ZSCAN18: variants seen among roughly 807,000 people sequenced by gnomAD.
The protein encoded by ZSCAN18 is zinc finger and SCAN domain-containing protein 18.
Under a neutral mutation model 31.1 loss-of-function variants are expected in ZSCAN18, and 16 were observed. The ratio of observed to expected loss-of-function variants is 0.51; its 90% CI spans 0.35 to 0.78. The LOEUF is 0.78. Among genes scored for constraint, ZSCAN18 ranks in the 30% least tolerant of loss-of-function variants. The pLI, the probability that ZSCAN18 is intolerant of heterozygous loss-of-function variation, is 0.01. For synonymous variants in ZSCAN18, 375 were observed against 320.7 expected, an observed-to-expected ratio of 1.17 and a Z score of -1.81; for missense variants, 731 against 697.4, an observed-to-expected ratio of 1.05 and a Z score of -0.54.
chr19:58,085,641 C>A, intron 6 of ZSCAN18: 1 of 506,102 alleles, frequency 2.0e-6, no homozygotes, highest in Non-Finnish European at 3.5e-6. Flanking sequence ...CCCACTGAGC[C>A]CGGGTTCTGG....
chr19:58,115,610 A>G (rs2146032211), intron 1 of ZSCAN18, among the ~76,000 whole-genome samples: 1 of 152,338 alleles, frequency 6.6e-6, no homozygotes, highest in Admixed American at 6.5e-5. Flanking sequence ...TGTCTTTGTT[A>G]GTATAAGAAA....
intron 1 of ZSCAN18, among the ~76,000 whole-genome samples, chr19:58,096,957 C>T (rs1342700614): frequency 6.6e-6 from 1 of 152,120 alleles, no homozygotes. Context: ...GCCTAGGCTC[C>T]CCGAAAACCC....
intron 5 of ZSCAN18, 143 bp downstream of exon 5, chr19:58,086,763 T>C (rs1218040790): frequency 2.8e-5 from 17 of 617,808 alleles, no homozygotes; most frequent in Non-Finnish European, 4.8e-5. Context: ...AGCGAATAAA[T>C]TCAAGCTCCA....
chr19:58,088,564 T>C (rs893844150), intron 3 of ZSCAN18, 124 bp downstream of exon 3: 7 of 932,484 alleles, frequency 7.5e-6, no homozygotes, highest in Admixed American at 2.3e-5. Flanking sequence ...GAAGTCCCAA[T>C]GATAGCATGG....
intron 1 of ZSCAN18, among the ~76,000 whole-genome samples, chr19:58,094,752 C>A (rs1388553225): frequency 6.6e-6 from 1 of 151,900 alleles, no homozygotes; most frequent in African/African-American, 2.4e-5. Context: ...GTGGTGCATG[C>A]CTGTGGTCCC....
At chr19:58,086,665 G>A (rs2074287052) in intron 5 of ZSCAN18, 2 of 517,398 alleles carry the variant, frequency 3.9e-6, no homozygotes, top group Admixed American at 3.6e-5. Flanking sequence ...CTTGGGGCCA[G>A]GAGGCCTTTC....
rs111533182 is a variant in ZSCAN18 at position 58,092,828 on chromosome 19, C to T, written c.-119-2442G>A. 2.2e-3 allele frequency: 1,196 copies of T among 546,452 alleles called. 17 individuals carry two copies. Among genetic ancestry groups the T allele is most frequent in the African/African-American group, 0.021 (1,040 of 48,838 alleles). 33.9% of individuals were successfully genotyped at this position (546,452 alleles called of 1,614,324 possible). On this transcript the variant is annotated intron_variant, in intron 1 of 6. Transcript: ENST00000601144. ...TTACTCTGTCACCCAGGCTGGAGTG[C>T]AGTAGCATGATCATAGCTTATTGCA...
At chr19:58,104,207 C>A (rs2074615855) in intron 1 of ZSCAN18, among the ~76,000 whole-genome samples, 1 of 152,070 alleles carries the variant, frequency 6.6e-6, no homozygotes, top group South Asian at 2.1e-4. Flanking sequence ...GGTGAAACCC[C>A]ACCTCTACTA....
Position 58,085,239 on chromosome 19 carries a change from C to G in ZSCAN18, c.979G>C (p.Glu327Gln). The G allele has an allele frequency of 6.2e-7, 1 of 1,607,094 alleles. No individual in the cohort carries two copies. Among genetic ancestry groups the G allele is most frequent in the Non-Finnish European group, 8.5e-7 (1 of 1,178,956 alleles). ...GGGTCCGGGGCCTTCCCAGGCTGCT[C>G]TTCCTCCTCCTCAGTGGTGCCCGAC... is the stretch of plus-strand genomic sequence containing the variant. ...PPSGTTEEEE[E>Q]QPGKAPDPQD... is the part of the protein sequence containing the mutation. The change falls in exon 7 of 7, where the codon GAG (glutamate) becomes CAG (glutamine). Residue 327 changes from glutamate (E) to glutamine (Q), a missense_variant. By Grantham distance (29) the Glu-to-Gln change is conservative. Transcript: ENST00000601144.
chr19:58,103,241 A>C (rs1283405735), intron 1 of ZSCAN18, among the ~76,000 whole-genome samples: 1 of 152,242 alleles, frequency 6.6e-6, no homozygotes, highest in East Asian at 1.9e-4. Flanking sequence ...AAATACGGTA[A>C]GTCTTTAGGT....
Position 58,086,908 on chromosome 19 carries a change from C to G in ZSCAN18, c.743G>C (p.Trp248Ser), listed in dbSNP as rs1290642630. 1 of 1,613,456 alleles carries G rather than the reference C, an allele frequency of 6.2e-7. No homozygotes were observed. Among genetic ancestry groups the G allele is most frequent in the Admixed American group, 1.7e-5 (1 of 59,994 alleles). Residue 248 changes from tryptophan (W) to serine (S), a missense_variant and splice_region_variant, in exon 5 of 7, where the codon TGG (tryptophan) becomes TCG (serine). By Grantham distance (177) the Trp-to-Ser change is radical. This residue lies in a region of ZSCAN18 where 597 missense variants were observed against 499.5 expected (regional missense o/e 1.20). Coordinates refer to ENST00000601144, the MANE Select transcript of ZSCAN18 (RefSeq NM_001145543.2). ...ACCCCGAGGCAGGCGACTCTCACCC[C>G]ACAGGAGCAGCTTCCGGTAGCTCTT... ...NLKSYRKLLL[W>S]GYQLSQPDAA...
In ZSCAN18 at chr19:58,090,559, T is replaced by C; in HGVS notation, c.-119-173A>G. 1 of 554,156 alleles carries C rather than the reference T, an allele frequency of 1.8e-6. No homozygotes were observed. The highest frequency in any genetic ancestry group is 3.7e-5 in the South Asian group (1 of 26,962). The allele number at this position is 554,156 out of a possible 1,614,324, so 34.3% of individuals were successfully genotyped here. A position where few individuals can be genotyped will look rare whatever the true frequency, so the allele number is the denominator to read the frequency against. ...ACTCATGTAGATAAAAAGTAGCATG[T>C]AAATGGAGGGTAACTCATTCTGTGC... is the stretch of plus-strand genomic sequence containing the variant. On this transcript the variant is annotated intron_variant, in intron 1 of 6. Coordinates refer to ENST00000601144, the MANE Select transcript of ZSCAN18 (RefSeq NM_001145543.2). The surrounding 1 kb of genome is among the most constrained non-coding windows in gnomAD (Gnocchi z 4.7).
upstream of ZSCAN18, among the ~76,000 whole-genome samples, chr19:58,099,764 A>AT (rs2063826113): frequency 6.6e-6 from 1 of 151,866 alleles, no homozygotes; most frequent in African/African-American, 2.4e-5. Flanking sequence ...GTGTTTTGCT[A>AT]TTTTTTATTT....
chr19:58,106,379 G>A (rs2074634054), intron 1 of ZSCAN18, among the ~76,000 whole-genome samples: 1 of 152,142 alleles, frequency 6.6e-6, no homozygotes. Context: ...TCCAACCTGG[G>A]CAACAGAATG....
intron 1 of ZSCAN18, among the ~76,000 whole-genome samples, chr19:58,092,033 T>C (rs1351831670): frequency 6.6e-6 from 1 of 152,104 alleles, no homozygotes; most frequent in African/African-American, 2.4e-5. Flanking sequence ...TGGTGTGTGA[T>C]TCCACAGAAA....
upstream of ZSCAN18, chr19:58,098,455 C>A (rs544817243): frequency 2.8e-4 from 232 of 831,616 alleles, 3 homozygotes; most frequent in African/African-American, 4.1e-3. Flanking sequence ...AATAATAGAC[C>A]CCTGACAGCC....
intron 1 of ZSCAN18, among the ~76,000 whole-genome samples, chr19:58,091,616 T>A (rs2074412422): frequency 6.6e-6 from 1 of 151,890 alleles, no homozygotes; most frequent in Admixed American, 6.6e-5. Context: ...CTCAGCTGAA[T>A]CCCCACATAC....
rs1219374754 is a variant in ZSCAN18 at position 58,090,477 on chromosome 19, T to A, written c.-119-91A>T. The A allele has an allele frequency of 4.1e-6, 5 of 1,231,646 alleles. No homozygotes were observed. In the African/African-American group the frequency reaches 7.6e-5, roughly 19 times the overall value. 76.3% of individuals were successfully genotyped at this position (1,231,646 alleles called of 1,614,324 possible). On this transcript the variant is annotated intron_variant, in intron 1 of 6. Coordinates refer to ENST00000601144, the MANE Select transcript of ZSCAN18 (RefSeq NM_001145543.2). This position sits in a 1 kb window ranked among gnomAD's most constrained non-coding sequence, Gnocchi z 4.7. ...GAGAACAAAGACACCACACCCAGAG[T>A]TCACACAGATTTCCAAGAAACCCGC...
chr19:58,092,351 G>C (rs2074430172), intron 1 of ZSCAN18: 1 of 152,212 alleles, frequency 6.6e-6, no homozygotes, highest in Non-Finnish European at 1.5e-5. Flanking sequence ...GAGGCAGGCA[G>C]ATCACCTGAG....
Sources: gnomAD v4.1 joint callset for allele counts (sites outside exome capture counted in the v4.1 genomes callset) on GRCh38, gnomAD v4.1.1 for gene constraint, gnomAD v4.1.1 regional missense constraint, Gnocchi (gnomAD v3.1) non-coding constraint, MANE v1.5 for transcripts, NCBI Gene and HGNC (gene_info 2026-07-23, HGNC 2026-07-21) for gene names.